The following PPARGC1A variants were observed in gnomAD, a reference collection of about 807,000 sequenced individuals.
PPARGC1A encodes the protein peroxisome proliferator-activated receptor gamma coactivator 1-alpha.
A neutral mutation model predicts 88.7 loss-of-function variants in PPARGC1A; 25 were observed. That is an observed-to-expected ratio of 0.28 (90% CI 0.21 to 0.39). The LOEUF is 0.39. PPARGC1A is among the 10% of genes least tolerant of loss of function. The probability of loss-of-function intolerance (pLI) is 1.00; values close to 1 mark genes in which losing one functional copy is unlikely to be tolerated. For synonymous variants in PPARGC1A, 363 were observed against 355.6 expected (o/e 1.02, Z -0.24); for missense variants, 880 against 968.7 (o/e 0.91, Z 1.22).
At chr4:23,807,837 G>A (rs1720110441) in intron 10 of PPARGC1A, among the ~76,000 whole-genome samples, 2 of 151,948 alleles carry the variant, frequency 1.3e-5, no homozygotes, top group African/African-American at 4.8e-5. Context: ...TAGGTACTAT[G>A]TTGTATAGCA....
chr4:23,929,926 C>G, the PPARGC1A span, among the ~76,000 whole-genome samples: 1 of 152,116 alleles, frequency 6.6e-6, no homozygotes, highest in Non-Finnish European at 1.5e-5. Flanking sequence ...TATTATCATT[C>G]CATTTTACAG....
the PPARGC1A span, among the ~76,000 whole-genome samples, chr4:24,460,533 G>C: frequency 1.5e-4 from 23 of 152,224 alleles, no homozygotes; most frequent in South Asian, 4.8e-3. Context: ...TTAATTGGGA[G>C]AAATAATTTT....
rs779716743 is a variant in PPARGC1A at position 23,813,992 on chromosome 4, T to C, written c.1491A>G (p.Leu497=). The C allele has an allele frequency of 3.1e-6, 5 of 1,614,010 alleles. No homozygotes were observed. The Admixed American group carries it at 8.3e-5, about 27-fold the overall frequency. The change falls in exon 8 of 13, where the codon CTA becomes CTG. Residue 497 remains leucine, a synonymous_variant. Coordinates refer to ENST00000264867, the MANE Select transcript of PPARGC1A (RefSeq NM_013261.5). The part of the protein sequence containing the change: ...SDFSNEQFSK[L]PMFINSGLAM... ...CTAGTCCTGAATTTATAAACATAGG[T>C]AGTTTGGAGAATTGTTCATTACTGA... is the stretch of plus-strand genomic sequence containing the variant.
chr4:24,043,488 C>T, the PPARGC1A span, among the ~76,000 whole-genome samples: 4 of 152,102 alleles, frequency 2.6e-5, no homozygotes, highest in African/African-American at 9.7e-5. Flanking sequence ...CATCCTCATT[C>T]CCTGGAGGAT....
chr4:24,277,474 A>T, the PPARGC1A span, among the ~76,000 whole-genome samples: 4 of 151,730 alleles, frequency 2.6e-5, no homozygotes, highest in African/African-American at 9.7e-5. Flanking sequence ...CTCAATTAGG[A>T]TGCTGCATGG....
intron 2 of PPARGC1A, among the ~76,000 whole-genome samples, chr4:23,873,223 A>AAG (rs1713942808): frequency 7.0e-6 from 1 of 142,402 alleles, no homozygotes; most frequent in Non-Finnish European, 1.5e-5. Context: ...AAAATAAAAA[A>AAG]TAAAGAAAAA....
chr4:23,908,698 A>G (rs1166159593), upstream of PPARGC1A, among the ~76,000 whole-genome samples: 2 of 152,216 alleles, frequency 1.3e-5, no homozygotes. Context: ...CAGTCTTTCT[A>G]CCTTATAAAG....
the PPARGC1A span, among the ~76,000 whole-genome samples, chr4:24,108,255 C>T: frequency 6.6e-6 from 1 of 152,186 alleles, no homozygotes; most frequent in Non-Finnish European, 1.5e-5. Flanking sequence ...AGTATCCAGA[C>T]ATCTTCCTCC....
chr4:24,464,007 A>G, the PPARGC1A span, among the ~76,000 whole-genome samples: 1 of 152,168 alleles, frequency 6.6e-6, no homozygotes, highest in African/African-American at 2.4e-5. Context: ...TTTCCCTATT[A>G]TTCAGAAAGG....
chr4:23,958,992 A>G, the PPARGC1A span, among the ~76,000 whole-genome samples: 3 of 148,132 alleles, frequency 2.0e-5, 1 homozygote, highest in East Asian at 2.0e-4. Context: ...GACTTTAGCT[A>G]GTACTCTTGA....
At chr4:24,232,959 T>C in the PPARGC1A span, among the ~76,000 whole-genome samples, 1 of 152,196 alleles carries the variant, frequency 6.6e-6, no homozygotes, top group South Asian at 2.1e-4. Context: ...GTAAGTGTGA[T>C]GAGGAGATGG....
chr4:24,457,563 T>TTTG, the PPARGC1A span, among the ~76,000 whole-genome samples: 1 of 146,642 alleles, frequency 6.8e-6, no homozygotes, highest in Non-Finnish European at 1.5e-5. Flanking sequence ...TTGTTTGTTT[T>TTTG]AAGATGGAGT....
the PPARGC1A span, among the ~76,000 whole-genome samples, chr4:23,963,068 T>C: frequency 6.6e-6 from 1 of 152,132 alleles, no homozygotes; most frequent in East Asian, 1.9e-4. Context: ...GCCTTTCCAA[T>C]GGGGGCCATC....
chr4:23,814,353 C>T lies in PPARGC1A; in HGVS notation c.1130G>A (p.Ser377Asn). 6.2e-7 allele frequency: 1 copy of T among 1,613,990 alleles called. No individual in the cohort carries two copies. ...GHEERKTKRP[S>N]LRLFGDHDYC... is the part of the protein sequence containing the mutation. ...GTCATGGTCACCAAACAGCCGCAGA[C>T]TGGGCCGCTTGGTCTTCCTTTCCTC... The change falls in exon 8 of 13, where the codon AGT becomes AAT. Residue 377 changes from serine to asparagine, a missense_variant. Ser to Asn is a conservative substitution (Grantham distance 46). Coordinates refer to ENST00000264867, the MANE Select transcript of PPARGC1A (RefSeq NM_013261.5).
chr4:24,461,379 T>C, the PPARGC1A span, among the ~76,000 whole-genome samples: 5 of 152,232 alleles, frequency 3.3e-5, no homozygotes, highest in East Asian at 1.9e-4. Flanking sequence ...TCACCTGTTC[T>C]TCTTTCTAGG....
intron 4 of PPARGC1A, among the ~76,000 whole-genome samples, 157 bp from the exon 5 acceptor site, chr4:23,828,761 A>T (rs1724469329): frequency 6.6e-6 from 1 of 152,224 alleles, no homozygotes; most frequent in African/African-American, 2.4e-5. Context: ...ACAAGGAAAG[A>T]AAATTACATT....
the PPARGC1A span, among the ~76,000 whole-genome samples, chr4:24,259,192 T>C: frequency 2.0e-3 from 311 of 152,148 alleles, 3 homozygotes; most frequent in African/African-American, 7.2e-3. Flanking sequence ...AAAAGATGGG[T>C]CTCCTTAAAA....
the PPARGC1A span, among the ~76,000 whole-genome samples, chr4:24,220,795 T>C: frequency 6.6e-6 from 1 of 152,160 alleles, no homozygotes; most frequent in Non-Finnish European, 1.5e-5. Flanking sequence ...AGCTACTGGA[T>C]CATTAGAAAC....
the PPARGC1A span, among the ~76,000 whole-genome samples, chr4:24,455,491 AAAAT>A: frequency 1.3e-5 from 2 of 152,358 alleles, no homozygotes; most frequent in African/African-American, 4.8e-5. Context: ...GAAAAAAATT[AAAAT>A]AAATTTTGTT....
Sources: gnomAD v4.1 joint callset for allele counts (sites outside exome capture counted in the v4.1 genomes callset) on GRCh38, gnomAD v4.1.1 for gene constraint, MANE v1.5 for transcripts, NCBI Gene and HGNC (gene_info 2026-07-23, HGNC 2026-07-21) for gene names.